The following PIEZO2 variants were observed in gnomAD, a reference collection of about 807,000 sequenced individuals.
PIEZO2 encodes piezo-type mechanosensitive ion channel component 2.
PIEZO2 carries 172 observed loss-of-function variants against 337.3 expected under a neutral mutation model. The observed-to-expected ratio is 0.51, with a 90% CI of 0.45 to 0.58. The LOEUF (loss-of-function observed/expected upper bound fraction) is 0.58, where lower values mean the gene tolerates loss of function less well. Ranked by LOEUF, PIEZO2 falls within the 20% of genes least tolerant of loss-of-function variation. The pLI is 0.00. For synonymous variants in PIEZO2, 1,251 were observed against 1,228.5 expected, an observed-to-expected ratio of 1.02 and a Z score of -0.38; for missense variants, 3,028 against 3,391.3, an observed-to-expected ratio of 0.89 and a Z score of 2.66.
intron 1 of PIEZO2, among the ~76,000 whole-genome samples, chr18:11,136,168 TAA>T (rs2040480472): frequency 1.3e-5 from 2 of 152,218 alleles, no homozygotes; most frequent in Non-Finnish European, 2.9e-5. Flanking sequence ...AAAATAGTGA[TAA>T]GTGGAGTCCA....
Position 10,682,326 on chromosome 18 carries a change from A to G in PIEZO2, c.7498-34T>C. The stretch of plus-strand genomic sequence containing the variant: ...GAGAGTTCAGACAAGGCTCAGGCTC[A>G]GGCTCAGGTGCTTTCCCGCAGGCAG... On this transcript the variant is annotated intron_variant, in intron 49 of 55. Coordinates refer to ENST00000674853, the MANE Select transcript of PIEZO2 (RefSeq NM_001378183.1). This position sits in a 1 kb window ranked among gnomAD's most constrained non-coding sequence, Gnocchi z 5.6. 1 of 1,510,260 alleles carries G rather than the reference A, an allele frequency of 6.6e-7. No individual in the cohort carries two copies. The highest frequency in any genetic ancestry group is 8.8e-7 in the Non-Finnish European group (1 of 1,130,922). 93.6% of individuals were successfully genotyped at this position (1,510,260 alleles called of 1,614,324 possible). A position where few individuals can be genotyped will look rare whatever the true frequency, so the allele number is the denominator to read the frequency against.
chr18:10,698,014 G>GATGCATTTGTGAACAATTACTGAGT, intron 44 of PIEZO2, 134 bp from the exon 45 acceptor site: 2 of 923,284 alleles, frequency 2.2e-6, no homozygotes, highest in African/African-American at 1.7e-5. Context: ...AGTATGCACG[G>GATGCATTTGTGAACAATTACTGAGT]CCTTGGGATT....
intron 4 of PIEZO2, among the ~76,000 whole-genome samples, chr18:10,884,122 C>T (rs765721374): frequency 6.6e-6 from 1 of 152,020 alleles, no homozygotes; most frequent in Non-Finnish European, 1.5e-5. Flanking sequence ...ATGAGTCCTA[C>T]TTCTTTAGAT....
At chr18:10,696,567 C>A in intron 45 of PIEZO2, 28 bp from the exon 46 acceptor site, 1 of 1,611,552 alleles carries the variant, frequency 6.2e-7, no homozygotes, top group Non-Finnish European at 8.5e-7. Context: ...CCACCCCCAA[C>A]CCACTTGTTT....
rs1338121650 is a variant in PIEZO2 at position 11,033,052 on chromosome 18, G to C, written c.160+33075C>G. On this transcript the variant is annotated intron_variant, in intron 2 of 55. Transcript: ENST00000674853. The surrounding 1 kb of genome is among the most constrained non-coding windows in gnomAD (Gnocchi z 4.2). ...GAGTTCCAGGGTCTGGTGGCACCCA[G>C]ATAATCCTTTTCTGACTGGTCATAT... Among the ~76,000 whole-genome samples the C allele has an allele frequency of 2.0e-5, 3 of 152,208 alleles. No individual in the cohort carries two copies. The highest frequency in any genetic ancestry group is 7.2e-5 in the African/African-American group (3 of 41,458).
At chr18:10,923,859 T>C (rs956116122) in intron 3 of PIEZO2, among the ~76,000 whole-genome samples, 1 of 152,158 alleles carries the variant, frequency 6.6e-6, no homozygotes, top group Non-Finnish European at 1.5e-5. Flanking sequence ...CTGCCATGGG[T>C]CAGATATCAT....
rs2039028182 is a variant in PIEZO2 at position 10,782,319 on chromosome 18, TATTATA to T, written c.2493-1959_2493-1954del. Among the ~76,000 whole-genome samples the T allele has an allele frequency of 4.1e-5, 4 of 97,950 alleles. 1 individual carries two copies. Among genetic ancestry groups the T allele is most frequent in the Non-Finnish European group, 7.3e-5 (4 of 55,154 alleles). The allele number at this position is 97,950 out of a possible 152,430, so 64.3% of individuals were successfully genotyped here. On this transcript the variant is annotated intron_variant, in intron 17 of 55. Coordinates refer to ENST00000674853, the MANE Select transcript of PIEZO2 (RefSeq NM_001378183.1). ...ATTATATATAAATAATTATATAATA[TATTATA>T]ATTATATATAAATAATTATAATATA...
intron 3 of PIEZO2, among the ~76,000 whole-genome samples, chr18:10,933,420 T>C (rs2032204980): frequency 1.3e-5 from 2 of 152,238 alleles, no homozygotes. Context: ...TTTTGCAATA[T>C]GTTTCTTAAC....
chr18:10,870,652 G>T lies in PIEZO2; in HGVS notation c.492+601C>A, dbSNP rs2042117423. On this transcript the variant is annotated intron_variant, in intron 5 of 55. Coordinates refer to ENST00000674853, the MANE Select transcript of PIEZO2 (RefSeq NM_001378183.1). The surrounding 1 kb of genome is among the most constrained non-coding windows in gnomAD (Gnocchi z 5.3). ...AATAGGACAAGCTTCCAATTCAGCA[G>T]TTGCTCCTGAAACCTTTCAACCAGC... 6.6e-6 allele frequency among the ~76,000 whole-genome samples: 1 copy of T among 151,944 alleles called. No individual in the cohort carries two copies. The highest frequency in any genetic ancestry group is 2.4e-5 in the African/African-American group (1 of 41,428).
At chr18:10,890,303 C>T (rs944856962) in intron 4 of PIEZO2, among the ~76,000 whole-genome samples, 6 of 152,126 alleles carry the variant, frequency 3.9e-5, no homozygotes, top group Non-Finnish European at 8.8e-5. Flanking sequence ...CAGAGCAGGC[C>T]TCATTTGTCA....
chr18:10,677,549 TG>T lies in PIEZO2; in HGVS notation c.8081+197del. ...CTCATTTGGAACATAGACATAACCC[TG>T]GGGACAGTGGACAGAAAACTCCATA... On this transcript the variant is annotated intron_variant, in intron 53 of 55. Transcript: ENST00000674853. This position sits in a 1 kb window ranked among gnomAD's most constrained non-coding sequence, Gnocchi z 4.1. The T allele has an allele frequency of 1.8e-6, 1 of 548,358 alleles. No homozygotes were observed. Among genetic ancestry groups the T allele is most frequent in the Non-Finnish European group, 3.1e-6 (1 of 327,710 alleles). 34.0% of individuals were successfully genotyped at this position (548,358 alleles called of 1,614,324 possible). A position where few individuals can be genotyped will look rare whatever the true frequency, so the allele number is the denominator to read the frequency against.
rs1034775818 is a variant in PIEZO2, at chr18:10,784,243, C to G, written c.2492+541G>C. 1.2e-4 allele frequency among the ~76,000 whole-genome samples: 18 copies of G among 152,318 alleles called. No individual in the cohort carries two copies. The highest frequency in any genetic ancestry group is 4.3e-4 in the African/African-American group (18 of 41,560). On this transcript the variant is annotated intron_variant, in intron 17 of 55. Transcript: ENST00000674853. This position sits in a 1 kb window ranked among gnomAD's most constrained non-coding sequence, Gnocchi z 4.5. ...TGTATATTTATTGATGAGGATAAAA[C>G]AGCCGTAAGCTGCTAAAAGAAGATA...
chr18:10,715,236 C>T (rs928621132), intron 38 of PIEZO2, among the ~76,000 whole-genome samples: 6 of 152,258 alleles, frequency 3.9e-5, no homozygotes, highest in Admixed American at 3.9e-4. Context: ...TGCGTATGTC[C>T]TACTTTTTAT....
rs117408015 is a variant in PIEZO2, at chr18:11,002,578, C to T, written c.161-22918G>A. Among the ~76,000 whole-genome samples, 429 of 152,304 alleles carry T rather than the reference C, an allele frequency of 2.8e-3. 1 individual carries two copies. Among genetic ancestry groups the T allele is most frequent in the Non-Finnish European group, 5.2e-3 (357 of 68,016 alleles). On this transcript the variant is annotated intron_variant, in intron 2 of 55. Coordinates refer to ENST00000674853, the MANE Select transcript of PIEZO2 (RefSeq NM_001378183.1). The surrounding 1 kb of genome is among the most constrained non-coding windows in gnomAD (Gnocchi z 4.3). ...CACACACTTTCACTTTCTCTAATTTCACCATTTCCAGAAGGAAATTGGAAA... is the reference window on the plus strand; with the variant it reads ...CACACACTTTCACTTTCTCTAATTTTACCATTTCCAGAAGGAAATTGGAAA...
chr18:11,098,011 C>G (rs1215096448), intron 1 of PIEZO2, among the ~76,000 whole-genome samples: 4 of 152,078 alleles, frequency 2.6e-5, no homozygotes, highest in Admixed American at 6.5e-5. Context: ...ATACTTTAAT[C>G]CAGTAAACCT....
chr18:11,136,727 G>C (rs112724323), intron 1 of PIEZO2, among the ~76,000 whole-genome samples: 1 of 152,150 alleles, frequency 6.6e-6, no homozygotes, highest in African/African-American at 2.4e-5. Context: ...CAACACCTGC[G>C]TAGGGAGCCC....
At chr18:10,932,039 A>G (rs1051432278) in intron 3 of PIEZO2, among the ~76,000 whole-genome samples, 1 of 152,216 alleles carries the variant, frequency 6.6e-6, no homozygotes, top group African/African-American at 2.4e-5. Context: ...TGACTTTTCA[A>G]ACTTATAACT....
At chr18:10,782,386 AT>A (rs1399989124) in intron 17 of PIEZO2, among the ~76,000 whole-genome samples, 1 of 92,416 alleles carries the variant, frequency 1.1e-5, no homozygotes, top group Admixed American at 1.7e-4. Context: ...ATATATTATA[AT>A]TATATATAAA....
chr18:11,140,047 G>A (rs912331811), intron 1 of PIEZO2, among the ~76,000 whole-genome samples: 3 of 152,036 alleles, frequency 2.0e-5, no homozygotes, highest in African/African-American at 7.2e-5. Flanking sequence ...CTGCCACCTG[G>A]GATCCAACCA....
Sources: gnomAD v4.1 joint callset for allele counts (sites outside exome capture counted in the v4.1 genomes callset) on GRCh38, gnomAD v4.1.1 for gene constraint, Gnocchi (gnomAD v3.1) non-coding constraint, MANE v1.5 for transcripts, NCBI Gene and HGNC (gene_info 2026-07-23, HGNC 2026-07-21) for gene names.